Variants in CACNA2D1 observed in about 807,000 individuals in gnomAD.
CACNA2D1 encodes the protein voltage-dependent calcium channel subunit alpha-2/delta-1.
CACNA2D1 carries 53 observed loss-of-function variants against 171.5 expected under a neutral mutation model. The ratio of observed to expected loss-of-function variants is 0.31; its 90% CI spans 0.25 to 0.39. The LOEUF is 0.39. CACNA2D1 is among the 10% of genes least tolerant of loss of function. CACNA2D1 has a pLI of 1.00. For synonymous variants in CACNA2D1, 442 were observed against 443.1 expected, an observed-to-expected ratio of 1.00 and a Z score of 0.03; for missense variants, 903 against 1,299.8, an observed-to-expected ratio of 0.69 and a Z score of 4.69.
chr7:82,221,344 C>CA (rs1400517325), intron 3 of CACNA2D1, among the ~76,000 whole-genome samples: 2 of 151,952 alleles, frequency 1.3e-5, no homozygotes, highest in Admixed American at 1.3e-4. Context: ...ATACACATAT[C>CA]AAAAAAATAT....
At chr7:82,426,868 C>A (rs890314712) in intron 1 of CACNA2D1, among the ~76,000 whole-genome samples, 1 of 152,054 alleles carries the variant, frequency 6.6e-6, no homozygotes, top group South Asian at 2.1e-4. Flanking sequence ...TACCCGCAGT[C>A]GACCAAAGTC....
At chr7:82,085,089 C>T (rs1452522131) in intron 6 of CACNA2D1, among the ~76,000 whole-genome samples, 189 bp from the exon 7 acceptor site, 4 of 152,142 alleles carry the variant, frequency 2.6e-5, no homozygotes, top group African/African-American at 9.7e-5. Context: ...CCAACATGTA[C>T]ATAGTATTCA....
chr7:81,991,252 A>G lies in CACNA2D1; in HGVS notation c.1735-6T>C, dbSNP rs111772206. ...TTTCCTTTGTCAATATATCTCTAGA[A>G]AGAAGTTTAACGTGGTTATTATCAC... On this transcript the variant is annotated splice_region_variant and splice_polypyrimidine_tract_variant and intron_variant, in intron 20 of 38. Transcript: ENST00000356860. 224 of 1,448,450 alleles carry G rather than the reference A, an allele frequency of 1.5e-4. 1 individual carries two copies. The African/African-American group carries it at 2.4e-3, about 16-fold the overall frequency. 89.7% of individuals were successfully genotyped at this position (1,448,450 alleles called of 1,614,324 possible).
intron 3 of CACNA2D1, among the ~76,000 whole-genome samples, chr7:82,256,181 C>T (rs562492158): frequency 1.1e-4 from 17 of 152,060 alleles, no homozygotes; most frequent in Non-Finnish European, 1.8e-4. Flanking sequence ...GGCGGTGGGG[C>T]GTGGCGGGAG....
chr7:82,255,851 G>C (rs767221397), intron 3 of CACNA2D1, among the ~76,000 whole-genome samples: 3 of 152,180 alleles, frequency 2.0e-5, no homozygotes, highest in Non-Finnish European at 4.4e-5. Flanking sequence ...CCCTAAGTAA[G>C]TTAATACATT....
chr7:82,280,258 T>C (rs1289135694), intron 3 of CACNA2D1, among the ~76,000 whole-genome samples: 1 of 152,184 alleles, frequency 6.6e-6, no homozygotes, highest in Non-Finnish European at 1.5e-5. Context: ...TATGTGTGCA[T>C]GCTCATGTAC....
At chr7:81,988,072 A>G (rs1401146320) in intron 21 of CACNA2D1, among the ~76,000 whole-genome samples, 2 of 152,188 alleles carry the variant, frequency 1.3e-5, no homozygotes, top group African/African-American at 4.8e-5. Flanking sequence ...AAGTGTCCTT[A>G]TAACTGTAGG....
chr7:82,355,355 C>T (rs780613230), intron 1 of CACNA2D1, among the ~76,000 whole-genome samples: 2 of 152,076 alleles, frequency 1.3e-5, no homozygotes, highest in African/African-American at 2.4e-5. Flanking sequence ...AGAAAATACA[C>T]AGAATTTTTC....
At chr7:82,128,697 T>C (rs1790619817) in intron 5 of CACNA2D1, among the ~76,000 whole-genome samples, 1 of 152,094 alleles carries the variant, frequency 6.6e-6, no homozygotes, top group Admixed American at 6.5e-5. Flanking sequence ...ACAGTAGAAA[T>C]CAGGAAATTC....
intron 3 of CACNA2D1, among the ~76,000 whole-genome samples, chr7:82,258,481 C>G (rs1482544426): frequency 6.6e-6 from 1 of 152,108 alleles, no homozygotes; most frequent in Non-Finnish European, 1.5e-5. Flanking sequence ...AGCCCTCCAG[C>G]CTTACATAAA....
intron 36 of CACNA2D1, 75 bp from the exon 37 acceptor site, chr7:81,959,904 C>T: frequency 6.5e-7 from 1 of 1,540,248 alleles, no homozygotes; most frequent in Admixed American, 1.9e-5. Flanking sequence ...AAGATTCTTA[C>T]ATATTAAAAT....
chr7:82,250,366 G>A (rs954464351), intron 3 of CACNA2D1, among the ~76,000 whole-genome samples: 1 of 152,154 alleles, frequency 6.6e-6, no homozygotes, highest in Admixed American at 6.5e-5. Flanking sequence ...AGAGAGAAAA[G>A]CATAATCCTA....
At chr7:82,100,776 C>T (rs930854225) in intron 6 of CACNA2D1, among the ~76,000 whole-genome samples, 1 of 151,142 alleles carries the variant, frequency 6.6e-6, no homozygotes, top group Non-Finnish European at 1.5e-5. Flanking sequence ...AGAATGTTAC[C>T]CACAAAGGTA....
intron 6 of CACNA2D1, among the ~76,000 whole-genome samples, chr7:82,087,926 G>A (rs1325726379): frequency 6.6e-6 from 1 of 152,064 alleles, no homozygotes; most frequent in African/African-American, 2.4e-5. Flanking sequence ...TCATTTCCTG[G>A]ATACGAATTG....
At chr7:82,423,805 T>C (rs1230109297) in intron 1 of CACNA2D1, among the ~76,000 whole-genome samples, 1 of 152,160 alleles carries the variant, frequency 6.6e-6, no homozygotes, top group Non-Finnish European at 1.5e-5. Flanking sequence ...ATACTCAAAG[T>C]AAACTAGAGC....
In CACNA2D1 at chr7:82,291,662, TTTTTTTTTC is replaced by T. The variant is rs201361383; in HGVS notation, c.294+43464_294+43472del. 4.6e-3 allele frequency among the ~76,000 whole-genome samples: 577 copies of T among 125,692 alleles called. 15 individuals carry two copies. The East Asian group carries it at 0.06, about 13-fold the overall frequency. 82.5% of individuals were successfully genotyped at this position (125,692 alleles called of 152,430 possible). ...GTGTGTGTGTGTGCATATATATATA[TTTTTTTTTC>T]TTTTTTTTCTTTTTGTAGAGACGTG... On this transcript the variant is annotated intron_variant, in intron 3 of 38. Transcript: ENST00000356860.
chr7:82,064,199 T>C, intron 9 of CACNA2D1, 105 bp downstream of exon 9: 1 of 704,576 alleles, frequency 1.4e-6, no homozygotes, highest in Admixed American at 2.4e-5. Flanking sequence ...TTTTTCTTTG[T>C]TTCTTTTTTA....
Position 81,964,357 on chromosome 7 carries a change from A to G in CACNA2D1, c.2577T>C (p.Ile859=). The change falls in exon 33 of 39, where the codon ATT becomes ATC. Residue 859 remains isoleucine, a splice_region_variant and synonymous_variant. Transcript: ENST00000356860. ...MANHDDYTNQ[I]GRFFGEIDPS... is the part of the protein sequence containing the mutation. Reference sequence around the variant, plus strand: ...GATCAATCTCTCCAAAAAATCTTCCAATCTGGTGAAGAAAAAAATCATAAA... The same window carrying G: ...GATCAATCTCTCCAAAAAATCTTCCGATCTGGTGAAGAAAAAAATCATAAA... The G allele has an allele frequency of 6.2e-7, 1 of 1,611,486 alleles. No individual in the cohort carries two copies. Among genetic ancestry groups the G allele is most frequent in the Non-Finnish European group, 8.5e-7 (1 of 1,178,546 alleles).
At chr7:82,043,722 A>G (rs1804217361) in intron 10 of CACNA2D1, among the ~76,000 whole-genome samples, 1 of 152,176 alleles carries the variant, frequency 6.6e-6, no homozygotes, top group East Asian at 1.9e-4. Context: ...ATTCCATAAA[A>G]TATTTCTGAG....
Sources: allele counts gnomAD v4.1 joint callset (sites outside exome capture counted in the v4.1 genomes callset), GRCh38; gene constraint gnomAD v4.1.1; transcripts MANE v1.5; gene names NCBI Gene and HGNC (gene_info 2026-07-23, HGNC 2026-07-21).